Variants in MYO3B observed in about 807,000 individuals in gnomAD.
MYO3B encodes the protein myosin-IIIb.
MYO3B carries 156 observed loss-of-function variants against 174.6 expected under a neutral mutation model. That is an observed-to-expected ratio of 0.89 (90% CI 0.78 to 1.02). The LOEUF (loss-of-function observed/expected upper bound fraction) is 1.02. MYO3B is among the 50% of genes least tolerant of loss of function. The pLI is 0.00. For synonymous variants in MYO3B, 563 were observed against 569.1 expected (o/e 0.99, Z 0.15); for missense variants, 1,632 against 1,639.4 (o/e 1.00, Z 0.08).
Position 170,404,266 on chromosome 2 carries a change from G to C in MYO3B, c.2297G>C (p.Gly766Ala). The change falls in exon 20 of 35, where the codon GGC becomes GCC. Residue 766 changes from glycine (G) to alanine (A), a missense_variant. Transcript: ENST00000408978. The part of the protein sequence containing the change: ...ALEQMEYQNE[G>A]IDAVPVEYED... ...CTCCAGATGGAATATCAGAATGAAG[G>C]CATTGATGCTGTACCCGTGGAATAT... 6.2e-7 allele frequency: 1 copy of C among 1,608,200 alleles called. No homozygotes were observed. Among genetic ancestry groups the C allele is most frequent in the Non-Finnish European group, 8.5e-7 (1 of 1,177,834 alleles).
intron 22 of MYO3B, among the ~76,000 whole-genome samples, chr2:170,422,977 C>CTTTCTT (rs1208789098): frequency 4.5e-5 from 4 of 88,506 alleles, no homozygotes; most frequent in East Asian, 3.5e-4. Flanking sequence ...TTCTTTCTTT[C>CTTTCTT]TTTTTTTTTT....
At chr2:170,651,189 A>T (rs1034345255) in intron 32 of MYO3B, among the ~76,000 whole-genome samples, 6 of 152,174 alleles carry the variant, frequency 3.9e-5, no homozygotes, top group African/African-American at 1.4e-4. Context: ...TCCCACCAAA[A>T]GGTTTGCTTC....
At position 170,391,814 on chromosome 2, in the gene MYO3B, A is replaced by AT. The variant is rs932437398; in HGVS notation, c.1676+204dup. On this transcript the variant is annotated intron_variant, in intron 15 of 34. Transcript: ENST00000408978. ...TCAAAAACTCAACTGCACATGGTTTATTTTTTTTCAGCCATTTGCATCATT... is the reference window on the plus strand; with the variant it reads ...TCAAAAACTCAACTGCACATGGTTTATTTTTTTTTCAGCCATTTGCATCATT... Among the ~76,000 whole-genome samples, 20 of 151,902 alleles carry AT rather than the reference A, an allele frequency of 1.3e-4. No individual in the cohort carries two copies. In the East Asian group the frequency reaches 3.3e-3, roughly 25 times the overall value.
Position 170,465,918 on chromosome 2 carries a change from T to G in MYO3B, c.2809-588T>G, listed in dbSNP as rs138470992. On this transcript the variant is annotated intron_variant, in intron 24 of 34. Coordinates refer to ENST00000408978, the MANE Select transcript of MYO3B (RefSeq NM_138995.5). The stretch of plus-strand genomic sequence containing the variant: ...AGGCCCTCCCTCACAAGCACCCCCC[T>G]GATTTTCCGTGTCCTTGCTCCCCTC... Among the ~76,000 whole-genome samples the G allele has an allele frequency of 6.1e-3, 928 of 152,258 alleles. 5 individuals are homozygous for G. The highest frequency in any genetic ancestry group is 0.016 in the South Asian group (78 of 4,812).
chr2:170,224,710 G>T (rs1441366045), intron 6 of MYO3B, among the ~76,000 whole-genome samples: 1 of 152,058 alleles, frequency 6.6e-6, no homozygotes, highest in Non-Finnish European at 1.5e-5. Flanking sequence ...ATAAACATTT[G>T]CTTCTTTTCA....
intron 32 of MYO3B, among the ~76,000 whole-genome samples, chr2:170,626,588 T>C (rs1696454467): frequency 6.6e-6 from 1 of 152,230 alleles, no homozygotes; most frequent in African/African-American, 2.4e-5. Flanking sequence ...GATCCTGTCA[T>C]TATGATGTTA....
intron 25 of MYO3B, among the ~76,000 whole-genome samples, chr2:170,481,480 G>T (rs1685685788): frequency 6.6e-6 from 1 of 152,200 alleles, no homozygotes; most frequent in South Asian, 2.1e-4. Context: ...GGTAGCTGAG[G>T]TGAGAGGATC....
At chr2:170,381,968 T>C in intron 9 of MYO3B, 48 bp from the exon 10 acceptor site, 1 of 1,498,836 alleles carries the variant, frequency 6.7e-7, no homozygotes, top group Admixed American at 1.7e-5. Context: ...CGCTTTCTGC[T>C]ACATTATTTG....
chr2:170,611,325 C>G (rs894150439), intron 32 of MYO3B, among the ~76,000 whole-genome samples: 1 of 152,110 alleles, frequency 6.6e-6, no homozygotes, highest in East Asian at 1.9e-4. Flanking sequence ...AATATTCTAT[C>G]AACAATGATT....
intron 32 of MYO3B, among the ~76,000 whole-genome samples, chr2:170,649,428 T>A (rs1204727164): frequency 8.2e-5 from 7 of 85,406 alleles, no homozygotes; most frequent in Admixed American, 2.8e-4. Context: ...AAAATATATA[T>A]AATATATTAC....
intron 22 of MYO3B, among the ~76,000 whole-genome samples, chr2:170,422,107 A>C (rs2094620227): frequency 6.6e-6 from 1 of 152,206 alleles, no homozygotes; most frequent in Admixed American, 6.5e-5. Context: ...GTGTGCATTA[A>C]GAAGAGCCTC....
Position 170,314,226 on chromosome 2 carries a change from G to A in MYO3B, c.750-21159G>A, listed in dbSNP as rs374775337. Among the ~76,000 whole-genome samples, 32 of 152,170 alleles carry A rather than the reference G, an allele frequency of 2.1e-4. No homozygotes were observed. The East Asian group carries it at 4.1e-3, about 19-fold the overall frequency. On this transcript the variant is annotated intron_variant, in intron 7 of 34. Coordinates refer to ENST00000408978, the MANE Select transcript of MYO3B (RefSeq NM_138995.5). ...AGGACCTTGAGCCAGGTCCTTCTTT[G>A]CCTATTTTGCCTATTTTCCTGTATG...
intron 22 of MYO3B, among the ~76,000 whole-genome samples, chr2:170,418,028 A>C (rs1366981778): frequency 6.6e-6 from 1 of 152,202 alleles, no homozygotes; most frequent in East Asian, 1.9e-4. Context: ...GCCAAGCCCT[A>C]GGCCTGGGTA....
intron 25 of MYO3B, among the ~76,000 whole-genome samples, chr2:170,497,575 G>T (rs370576756): frequency 5.3e-5 from 8 of 151,338 alleles, no homozygotes; most frequent in African/African-American, 1.9e-4. Context: ...CTGAGATCGC[G>T]CCACTGCACT....
chr2:170,436,761 A>G (rs1322893621), intron 22 of MYO3B, among the ~76,000 whole-genome samples: 2 of 152,182 alleles, frequency 1.3e-5, no homozygotes, highest in Non-Finnish European at 2.9e-5. Flanking sequence ...GGGGTAGTGA[A>G]CAGGCCATTC....
chr2:170,629,632 C>T (rs1016393078), intron 32 of MYO3B, among the ~76,000 whole-genome samples: 2 of 152,078 alleles, frequency 1.3e-5, no homozygotes, highest in Non-Finnish European at 2.9e-5. Context: ...GGTGGATTGC[C>T]TGAGCTTAGG....
chr2:170,435,883 A>G (rs1332755118), intron 22 of MYO3B, among the ~76,000 whole-genome samples: 2 of 152,234 alleles, frequency 1.3e-5, no homozygotes, highest in East Asian at 3.8e-4. Context: ...ATTATTTAAT[A>G]CAACAACCTG....
chr2:170,407,861 T>C lies in MYO3B; in HGVS notation c.2650+17T>C, dbSNP rs2094520971. On this transcript the variant is annotated intron_variant, in intron 22 of 34. Transcript: ENST00000408978. Reference sequence around the variant, plus strand: ...CCAAAACAGGTACTTGGGAACCCTCTGATAGCCCTGCTCTTAAAGCTTTTG... The same window carrying C: ...CCAAAACAGGTACTTGGGAACCCTCCGATAGCCCTGCTCTTAAAGCTTTTG... 1.2e-6 allele frequency: 2 copies of C among 1,613,646 alleles called. No individual in the cohort carries two copies. The highest frequency in any genetic ancestry group is 1.3e-5 in the African/African-American group (1 of 75,044).
chr2:170,400,277 T>C lies in MYO3B; in HGVS notation c.1881T>C (p.Asp627=). ...CTATTTCCTCTCAACATCAGACTGA[T>C]AAAAGTGAGGTGCCCAATGCTGAAG... The part of the protein sequence containing the change: ...FAAISSQHQT[D]KSEVPNAEAL... The change falls in exon 17 of 35, where the codon GAT becomes GAC. Residue 627 remains aspartate, a synonymous_variant. Transcript: ENST00000408978. 6.2e-7 allele frequency: 1 copy of C among 1,614,100 alleles called. No individual in the cohort carries two copies. Among genetic ancestry groups the C allele is most frequent in the Admixed American group, 1.7e-5 (1 of 60,008 alleles).
Sources: allele counts gnomAD v4.1 joint callset (sites outside exome capture counted in the v4.1 genomes callset), GRCh38; gene constraint gnomAD v4.1.1; transcripts MANE v1.5; gene names NCBI Gene and HGNC (gene_info 2026-07-23, HGNC 2026-07-21).